Variants in GPC3 observed in about 807,000 individuals in gnomAD.
GPC3 encodes the protein glypican 3, also known as glypican-3.
Under a neutral mutation model 34.4 loss-of-function variants are expected in GPC3, and 3 were observed. That is an observed-to-expected ratio of 0.09 (90% confidence interval 0.04 to 0.23). The LOEUF (loss-of-function observed/expected upper bound fraction) is 0.23. GPC3 is among the 10% of genes least tolerant of loss of function. The probability of loss-of-function intolerance (pLI) is 1.00; values close to 1 mark genes in which losing one functional copy is unlikely to be tolerated. For missense variants in GPC3, 351 were observed against 445.6 expected (o/e 0.79, Z 1.91); for synonymous variants, 177 against 174.0 (o/e 1.02, Z -0.13).
At chrX:133,753,372 C>T (rs919594459) in intron 3 of GPC3, 110 bp downstream of exon 3, 1 of 606,486 alleles carries the variant, frequency 1.6e-6, no homozygotes, top group Non-Finnish European at 2.8e-6. Context: ...CCATCATCAC[C>T]CCTTCCCCAC....
In GPC3 at chrX:133,840,612, A is replaced by ATCATCT. The variant is rs753694029; in HGVS notation, c.338-86442_338-86437dup. Among the ~76,000 whole-genome samples, 421 of 110,853 alleles carry ATCATCT rather than the reference A, an allele frequency of 3.8e-3. 1 individual carries two copies. Among genetic ancestry groups the ATCATCT allele is most frequent in the African/African-American group, 0.013 (391 of 30,419 alleles). On this transcript the variant is annotated intron_variant, in intron 2 of 7. Transcript: ENST00000370818. ...AACTATCATCATCATCATCATCATC[A>ATCATCT]TCATCTTCATCACCATCATCATCAC...
chrX:133,757,812 G>T (rs1469456728), intron 2 of GPC3, among the ~76,000 whole-genome samples: 1 of 111,602 alleles, frequency 9.0e-6, no homozygotes, highest in Non-Finnish European at 1.9e-5. Flanking sequence ...GTACCTTAAC[G>T]GAAGGAAGAA....
At chrX:133,620,009 A>G (rs1162589096) in intron 6 of GPC3, among the ~76,000 whole-genome samples, 1 of 109,317 alleles carries the variant, frequency 9.1e-6, no homozygotes, top group Non-Finnish European at 1.9e-5. Context: ...TCATGATGTC[A>G]GGAGATCAAG....
intron 5 of GPC3, among the ~76,000 whole-genome samples, chrX:133,674,493 C>T (rs2070863698): frequency 8.9e-6 from 1 of 111,768 alleles, no homozygotes; most frequent in Non-Finnish European, 1.9e-5. Context: ...TGGCTCTGAG[C>T]ATTTAAGCCT....
chrX:133,655,107 C>G (rs1216264864), intron 6 of GPC3, among the ~76,000 whole-genome samples: 2 of 111,211 alleles, frequency 1.8e-5, no homozygotes, highest in Admixed American at 9.6e-5. Flanking sequence ...TACCTTTAAT[C>G]CTGTGTATTC....
intron 2 of GPC3, among the ~76,000 whole-genome samples, chrX:133,911,121 A>C (rs897386420): frequency 5.3e-5 from 6 of 112,627 alleles, no homozygotes; most frequent in African/African-American, 1.9e-4. Flanking sequence ...TTAAAACATA[A>C]GCATTTCTGT....
intron 2 of GPC3, among the ~76,000 whole-genome samples, chrX:133,806,033 CA>C (rs1327428689): frequency 8.9e-6 from 1 of 111,930 alleles, no homozygotes; most frequent in Non-Finnish European, 1.9e-5. Flanking sequence ...GTGGAAAATA[CA>C]AAACCTGATC....
intron 2 of GPC3, among the ~76,000 whole-genome samples, chrX:133,901,801 T>C (rs2076145459): frequency 8.9e-6 from 1 of 112,263 alleles, no homozygotes; most frequent in African/African-American, 3.2e-5. Flanking sequence ...TAATTTCTTA[T>C]TTCAGAAAAG....
intron 1 of GPC3, among the ~76,000 whole-genome samples, chrX:133,976,608 C>G (rs140443016): frequency 1.7e-3 from 124 of 73,770 alleles, no homozygotes; most frequent in African/African-American, 5.9e-3. Flanking sequence ...CCTCTTCAAT[C>G]GTAAGTTTTA....
chrX:133,604,267 C>T lies in GPC3; in HGVS notation c.1414-7668G>A, dbSNP rs186213726. Among the ~76,000 whole-genome samples, 15 of 112,096 alleles carry T rather than the reference C, an allele frequency of 1.3e-4. No homozygotes were observed. In the East Asian group the frequency reaches 4.2e-3, roughly 32 times the overall value. ...CATGTGTCTTAGGTAAAGACATCAACGAATGGGGCCTTCATTGTACATTTT... is the reference window on the plus strand; with the variant it reads ...CATGTGTCTTAGGTAAAGACATCAATGAATGGGGCCTTCATTGTACATTTT... On this transcript the variant is annotated intron_variant, in intron 6 of 7. Transcript: ENST00000370818.
intron 6 of GPC3, among the ~76,000 whole-genome samples, chrX:133,605,153 T>A (rs1435521386): frequency 1.9e-5 from 2 of 104,492 alleles, no homozygotes; most frequent in African/African-American, 7.3e-5. Context: ...AATTAATGGC[T>A]ATATATGCAC....
chrX:133,564,893 T>C (rs1472471821), intron 7 of GPC3, among the ~76,000 whole-genome samples: 1 of 112,325 alleles, frequency 8.9e-6, no homozygotes, highest in Non-Finnish European at 1.9e-5. Context: ...ACATAGATTT[T>C]AATCTCTCTA....
intron 2 of GPC3, among the ~76,000 whole-genome samples, chrX:133,850,189 G>GTTTGGT (rs2075865878): frequency 1.4e-5 from 1 of 72,678 alleles, no homozygotes; most frequent in East Asian, 4.7e-4. Flanking sequence ...TGTTTTTTGG[G>GTTTGGT]TTTTGTTTTT....
chrX:133,630,181 TTTCAGG>T (rs1361742240), intron 6 of GPC3, among the ~76,000 whole-genome samples: 25 of 112,349 alleles, frequency 2.2e-4, no homozygotes, highest in Admixed American at 4.7e-4. Context: ...CTGATCCTAA[TTTCAGG>T]TTCAACACAG....
Position 133,642,807 on chromosome X carries a change from G to GAAAAGA in GPC3, c.1413+18917_1413+18922dup, listed in dbSNP as rs909768517. On this transcript the variant is annotated intron_variant, in intron 6 of 7. Transcript: ENST00000370818. ...AAAAAAAAAAAAGAAAGAAAGAAAG[G>GAAAAGA]AAAAGAAAAAGAAAAAGAAAGAAAA... is the stretch of plus-strand genomic sequence containing the variant. Among the ~76,000 whole-genome samples, 7 of 107,155 alleles carry GAAAAGA rather than the reference G, an allele frequency of 6.5e-5. No homozygotes were observed. In the Admixed American group the frequency reaches 7.0e-4, roughly 11 times the overall value. 93.1% of individuals were successfully genotyped at this position (107,155 alleles called of 115,157 possible). A position where few individuals can be genotyped will look rare whatever the true frequency, so the allele number is the denominator to read the frequency against.
At chrX:133,950,967 TA>T (rs1394705564) in intron 2 of GPC3, among the ~76,000 whole-genome samples, 1 of 110,023 alleles carries the variant, frequency 9.1e-6, no homozygotes, top group Non-Finnish European at 1.9e-5. Context: ...GCACTAGCAA[TA>T]ATTAGCTCAG....
chrX:133,575,605 G>C (rs1444010472), intron 7 of GPC3, among the ~76,000 whole-genome samples: 1 of 111,859 alleles, frequency 8.9e-6, no homozygotes, highest in African/African-American at 3.3e-5. Context: ...CTGGCTGCTT[G>C]CTCAGTCTCT....
chrX:133,562,897 T>C (rs2069551596), intron 7 of GPC3, among the ~76,000 whole-genome samples: 2 of 31 alleles, frequency 0.065, no homozygotes, highest in Admixed American at 0.25. Flanking sequence ...CCTTCAAATC[T>C]GAGCCTTTTG....
intron 2 of GPC3, among the ~76,000 whole-genome samples, chrX:133,838,400 C>T (rs2075808891): frequency 8.9e-6 from 1 of 112,148 alleles, no homozygotes; most frequent in African/African-American, 3.2e-5. Flanking sequence ...AAAGTACTTG[C>T]GGAAACAGAT....
Sources: allele counts gnomAD v4.1 joint callset (sites outside exome capture counted in the v4.1 genomes callset), GRCh38; gene constraint gnomAD v4.1.1; transcripts MANE v1.5; gene names NCBI Gene and HGNC (gene_info 2026-07-23, HGNC 2026-07-21).